Variants in GALNT13 observed in about 807,000 individuals in gnomAD.
GALNT13 encodes UDP-GalNAc:polypeptide N-acetylgalactosaminyltransferase 13.
A neutral mutation model predicts 64.2 loss-of-function variants in GALNT13; 28 were observed. The observed-to-expected ratio is 0.44, with a 90% confidence interval of 0.32 to 0.60. GALNT13 has a LOEUF of 0.60. Ranked by LOEUF, GALNT13 falls within the 20% of genes least tolerant of loss-of-function variation. The pLI is 0.05. For missense variants in GALNT13, 577 were observed against 669.8 expected (o/e 0.86, Z 1.53); for synonymous variants, 214 against 224.6 (o/e 0.95, Z 0.42).
At chr2:153,505,589 A>G in the GALNT13 span, among the ~76,000 whole-genome samples, 1 of 152,006 alleles carries the variant, frequency 6.6e-6, no homozygotes, top group Non-Finnish European at 1.5e-5. Context: ...ATAATTTTTA[A>G]AAATTCGTTT....
the GALNT13 span, among the ~76,000 whole-genome samples, chr2:153,731,765 CT>C: frequency 3.3e-5 from 5 of 151,218 alleles, no homozygotes; most frequent in East Asian, 1.9e-4. Flanking sequence ...ATTTTGACAT[CT>C]TTTTTTTTCT....
At chr2:154,357,784 A>G (rs1466415581) in intron 9 of GALNT13, among the ~76,000 whole-genome samples, 1 of 152,074 alleles carries the variant, frequency 6.6e-6, no homozygotes, top group African/African-American at 2.4e-5. Flanking sequence ...TGGCAGATGT[A>G]GATAACATCG....
chr2:153,196,679 G>C, the GALNT13 span, among the ~76,000 whole-genome samples: 1 of 152,030 alleles, frequency 6.6e-6, no homozygotes, highest in Non-Finnish European at 1.5e-5. Flanking sequence ...TTCTCACTGG[G>C]CACCTTTCTG....
chr2:153,353,210 G>A, the GALNT13 span, among the ~76,000 whole-genome samples: 1 of 151,850 alleles, frequency 6.6e-6, no homozygotes, highest in Non-Finnish European at 1.5e-5. Flanking sequence ...TTCATGTTTT[G>A]GGGATGCTAA....
chr2:154,382,417 A>C (rs1435307874), intron 9 of GALNT13, among the ~76,000 whole-genome samples: 1 of 152,068 alleles, frequency 6.6e-6, no homozygotes, highest in Non-Finnish European at 1.5e-5. Context: ...AAGCAGTGTT[A>C]AGTTCAGTTT....
rs575523838 is a variant in GALNT13, at chr2:153,901,590, C to T, written c.-105+583C>T. Reference sequence around the variant, plus strand: ...GTTACTGTGAGTGGGATTGTGTTCTCGTTTTGCTGTCAGGCTAGAAATTGT... The same window carrying T: ...GTTACTGTGAGTGGGATTGTGTTCTTGTTTTGCTGTCAGGCTAGAAATTGT... On this transcript the variant is annotated intron_variant, in intron 2 of 12. Coordinates refer to ENST00000392825, the MANE Select transcript of GALNT13 (RefSeq NM_052917.4). Among the ~76,000 whole-genome samples the T allele has an allele frequency of 9.2e-5, 14 of 152,064 alleles. No homozygotes were observed. The South Asian group carries it at 1.2e-3, about 14-fold the overall frequency.
At chr2:153,999,742 A>G (rs1012024682) in intron 3 of GALNT13, among the ~76,000 whole-genome samples, 7 of 151,750 alleles carry the variant, frequency 4.6e-5, no homozygotes, top group African/African-American at 9.7e-5. Context: ...GGATTTTTGC[A>G]TTTATGTTTA....
chr2:153,452,235 T>G, the GALNT13 span, among the ~76,000 whole-genome samples: 1 of 152,236 alleles, frequency 6.6e-6, no homozygotes, highest in Non-Finnish European at 1.5e-5. Flanking sequence ...CTGAAATTTG[T>G]ATGTGATTTT....
chr2:153,753,865 A>G, the GALNT13 span, among the ~76,000 whole-genome samples: 1 of 152,220 alleles, frequency 6.6e-6, no homozygotes, highest in African/African-American at 2.4e-5. Context: ...CTAGAGTCAA[A>G]AACCTTAAAC....
the GALNT13 span, among the ~76,000 whole-genome samples, chr2:153,309,087 A>G: frequency 1.3e-5 from 2 of 152,164 alleles, no homozygotes; most frequent in South Asian, 2.1e-4. Flanking sequence ...AGAAAATGAT[A>G]TCATCTCTAA....
chr2:154,339,510 G>A (rs967607749), intron 9 of GALNT13, among the ~76,000 whole-genome samples: 2 of 152,072 alleles, frequency 1.3e-5, no homozygotes, highest in African/African-American at 2.4e-5. Flanking sequence ...AAGTATACTC[G>A]TTATTTGGAA....
At chr2:153,780,232 T>TATGC in the GALNT13 span, among the ~76,000 whole-genome samples, 26 of 9,316 alleles carry the variant, frequency 2.8e-3, no homozygotes, top group African/African-American at 6.7e-3. Context: ...TATATATATA[T>TATGC]ATATATATAT....
chr2:153,331,606 T>G, the GALNT13 span, among the ~76,000 whole-genome samples: 2 of 152,004 alleles, frequency 1.3e-5, no homozygotes, highest in South Asian at 4.1e-4. Flanking sequence ...TCCGGGATGC[T>G]AGGCCAGTCT....
At chr2:154,021,067 T>C (rs1347384300) in intron 3 of GALNT13, among the ~76,000 whole-genome samples, 1 of 152,200 alleles carries the variant, frequency 6.6e-6, no homozygotes, top group African/African-American at 2.4e-5. Context: ...TATATCTCTG[T>C]TTTCGTACCA....
chr2:153,864,490 T>C, the GALNT13 span, among the ~76,000 whole-genome samples: 1 of 152,168 alleles, frequency 6.6e-6, no homozygotes, highest in African/African-American at 2.4e-5. Context: ...ATAAGAATGC[T>C]TGTGATTTTT....
the GALNT13 span, among the ~76,000 whole-genome samples, chr2:153,246,881 C>G: frequency 9.2e-5 from 14 of 152,132 alleles, no homozygotes; most frequent in South Asian, 2.9e-3. Flanking sequence ...AGACCCATCA[C>G]GGTGCTGTAT....
intron 4 of GALNT13, among the ~76,000 whole-genome samples, chr2:154,175,858 A>G (rs961040366): frequency 2.6e-5 from 4 of 152,230 alleles, no homozygotes; most frequent in African/African-American, 9.6e-5. Flanking sequence ...TCTATGATTT[A>G]TATTATGGAT....
intron 2 of GALNT13, among the ~76,000 whole-genome samples, chr2:153,928,223 C>G (rs1028406722): frequency 7.9e-5 from 12 of 151,946 alleles, no homozygotes; most frequent in African/African-American, 2.9e-4. Context: ...GAAATGGAAG[C>G]CTAGATAAGA....
intron 8 of GALNT13, among the ~76,000 whole-genome samples, chr2:154,288,782 T>G (rs1473747353): frequency 2.0e-5 from 3 of 152,212 alleles, no homozygotes; most frequent in Non-Finnish European, 4.4e-5. Flanking sequence ...ATTGTGATTT[T>G]GCAAGGTACA....
Sources: allele counts gnomAD v4.1 joint callset (sites outside exome capture counted in the v4.1 genomes callset), GRCh38; gene constraint gnomAD v4.1.1; transcripts MANE v1.5; gene names NCBI Gene and HGNC (gene_info 2026-07-23, HGNC 2026-07-21).